The following ATP1B3 variants were observed in gnomAD, a reference collection of about 807,000 sequenced individuals.
ATP1B3 encodes ATPase Na+/K+ transporting subunit beta 3, also known as sodium/potassium-transporting ATPase subunit beta-3.
ATP1B3 carries 10 observed loss-of-function variants against 30.2 expected under a neutral mutation model. The observed-to-expected ratio is 0.33, with a 90% CI of 0.20 to 0.56. The LOEUF is 0.56. ATP1B3 is among the 20% of genes least tolerant of loss of function. ATP1B3 has a pLI of 0.90. For synonymous variants in ATP1B3, 113 were observed against 117.0 expected (o/e 0.97, Z 0.22); for missense variants, 238 against 336.7 (o/e 0.71, Z 2.29).
chr3:141,915,320 C>G (rs1934439262), intron 4 of ATP1B3, among the ~76,000 whole-genome samples: 1 of 152,220 alleles, frequency 6.6e-6, no homozygotes, highest in Non-Finnish European at 1.5e-5. Flanking sequence ...TAGGACGCAA[C>G]AATACTTGTC....
intron 1 of ATP1B3, chr3:141,903,150 T>G (rs1361192965): frequency 6.5e-6 from 1 of 153,934 alleles, no homozygotes; most frequent in East Asian, 1.9e-4. Context: ...TTAACTCACT[T>G]TTTAAAACTT....
chr3:141,908,188 A>T (rs1176143213), intron 3 of ATP1B3, among the ~76,000 whole-genome samples: 1 of 149,318 alleles, frequency 6.7e-6, no homozygotes. Flanking sequence ...TTTTAAAGTT[A>T]TGTCTGTGTC....
chr3:141,913,183 G>T (rs1474197649), intron 3 of ATP1B3, among the ~76,000 whole-genome samples: 2 of 150,344 alleles, frequency 1.3e-5, no homozygotes, highest in Admixed American at 1.3e-4. Flanking sequence ...ATACCCTTCT[G>T]CATTCAGCTC....
rs374953122 is a variant in ATP1B3 at position 141,913,747 on chromosome 3, A to G, written c.442A>G (p.Ile148Val). The G allele has an allele frequency of 1.6e-5, 26 of 1,613,850 alleles. No individual in the cohort carries two copies. In the South Asian group the frequency reaches 2.2e-4, roughly 14 times the overall value. Reference protein sequence around the residue: ...GPVYVACQFPISLLQACSGMN... With the variant: ...GPVYVACQFPVSLLQACSGMN... ...AGTTTATGTTGCATGTCAGTTTCCT[A>G]TTTCATTACTTCAAGCATGCAGTGG... The change falls in exon 4 of 7, where the codon ATT becomes GTT. Residue 148 changes from isoleucine to valine, a missense_variant. Physicochemically the swap from Ile to Val is conservative, Grantham distance 29. Coordinates refer to ENST00000286371, the MANE Select transcript of ATP1B3 (RefSeq NM_001679.4).
At chr3:141,886,303 C>T (rs1328429134) in intron 1 of ATP1B3, among the ~76,000 whole-genome samples, 3 of 152,146 alleles carry the variant, frequency 2.0e-5, no homozygotes, top group Non-Finnish European at 2.9e-5. Context: ...GTTCCTTCCC[C>T]AATCTCTTCG....
At chr3:141,884,846 G>T (rs901600340) in intron 1 of ATP1B3, among the ~76,000 whole-genome samples, 2 of 152,246 alleles carry the variant, frequency 1.3e-5, no homozygotes, top group South Asian at 2.1e-4. Flanking sequence ...TATCTCAGGT[G>T]CTGTCTTTGG....
At chr3:141,896,557 A>G (rs1934070016) in intron 1 of ATP1B3, among the ~76,000 whole-genome samples, 1 of 152,064 alleles carries the variant, frequency 6.6e-6, no homozygotes, top group East Asian at 1.9e-4. Context: ...TTTGTTGTAA[A>G]AGTTCTTCAT....
chr3:141,904,702 T>C (rs1480904871), intron 2 of ATP1B3, among the ~76,000 whole-genome samples: 1 of 122,882 alleles, frequency 8.1e-6, no homozygotes, highest in Non-Finnish European at 1.7e-5. Flanking sequence ...TTTTAAACAG[T>C]CTTTTTTTTT....
Position 141,893,538 on chromosome 3 carries a change from A to G in ATP1B3, c.110-10082A>G, listed in dbSNP as rs142564879. 2.6e-3 allele frequency among the ~76,000 whole-genome samples: 400 copies of G among 152,266 alleles called. 1 individual carries two copies. The highest frequency in any genetic ancestry group is 6.5e-3 in the Admixed American group (99 of 15,284). ...TCCTTCTCTGTTAGCCCACTGTCAT[A>G]GAATACCTGACTTGATCTTTAGCTC... On this transcript the variant is annotated intron_variant, in intron 1 of 6. Transcript: ENST00000286371.
chr3:141,907,303 G>A, intron 3 of ATP1B3, 29 bp downstream of exon 3: 2 of 1,567,806 alleles, frequency 1.3e-6, no homozygotes, highest in Non-Finnish European at 1.7e-6. Flanking sequence ...AGTAAGGTCA[G>A]AGATTTTAGT....
At chr3:141,901,081 C>T (rs1486223185) in intron 1 of ATP1B3, among the ~76,000 whole-genome samples, 1 of 152,176 alleles carries the variant, frequency 6.6e-6, no homozygotes, top group Non-Finnish European at 1.5e-5. Context: ...CTGCACCTGG[C>T]CCATGTTAGT....
In ATP1B3 at chr3:141,925,873, G is replaced by GT; in HGVS notation, c.*173dup. 1.3e-6 allele frequency: 1 copy of GT among 774,404 alleles called. No homozygotes were observed. The highest frequency in any genetic ancestry group is 3.3e-5 in the Admixed American group (1 of 30,552). The allele number at this position is 774,404 out of a possible 1,614,324, so 48.0% of individuals were successfully genotyped here. ...ATCATAGTGTTCAGTGTCCTCTGAA[G>GT]TAACTGCCTGTTGCCTCTGCTGCCC... On this transcript the variant is annotated 3_prime_UTR_variant, in exon 7 of 7. Transcript: ENST00000286371.
At chr3:141,879,225 A>G (rs1463156613) in intron 1 of ATP1B3, among the ~76,000 whole-genome samples, 1 of 152,126 alleles carries the variant, frequency 6.6e-6, no homozygotes, top group African/African-American at 2.4e-5. Flanking sequence ...TTTCCATGTT[A>G]CTAAAGATTT....
intron 1 of ATP1B3, among the ~76,000 whole-genome samples, chr3:141,889,750 A>AAAAAATATAT (rs1553743802): frequency 2.5e-5 from 2 of 79,088 alleles, no homozygotes; most frequent in African/African-American, 9.5e-5. Flanking sequence ...AAAAAAAAAA[A>AAAAAATATAT]ATATATACAC....
intron 1 of ATP1B3, 54 bp downstream of exon 1, chr3:141,876,964 G>C: frequency 7.1e-7 from 1 of 1,413,480 alleles, no homozygotes; most frequent in Non-Finnish European, 9.5e-7. Context: ...GGGGGCGCCG[G>C]GCGCGGTCTG....
intron 1 of ATP1B3, among the ~76,000 whole-genome samples, chr3:141,877,831 C>CTT (rs56245712): frequency 0.12 from 17,508 of 140,100 alleles, 1,142 homozygotes; most frequent in Middle Eastern, 0.18. Context: ...CAGGCTAGAG[C>CTT]TTTTTTTTTT....
Position 141,876,780 on chromosome 3 carries a change from T to A in ATP1B3, c.-22T>A. The A allele has an allele frequency of 3.2e-6, 5 of 1,580,440 alleles. No individual in the cohort carries two copies. Among genetic ancestry groups the A allele is most frequent in the Non-Finnish European group, 4.3e-6 (5 of 1,160,394 alleles). ...CCTCCATCCCCGCGGCCGCAGCTCC[T>A]CTCGCCGTCCGCGCGCACACCATGA... On this transcript the variant is annotated 5_prime_UTR_variant, in exon 1 of 7. Transcript: ENST00000286371.
intron 1 of ATP1B3, among the ~76,000 whole-genome samples, chr3:141,885,668 G>A (rs528585470): frequency 6.6e-6 from 1 of 152,076 alleles, no homozygotes; most frequent in South Asian, 2.1e-4. Flanking sequence ...GGCTGATCTC[G>A]AACTCTTGAC....
chr3:141,912,005 A>C (rs919420189), intron 3 of ATP1B3, among the ~76,000 whole-genome samples: 4 of 152,232 alleles, frequency 2.6e-5, no homozygotes, highest in African/African-American at 9.6e-5. Flanking sequence ...GAGTCTATGC[A>C]GTAGAAGCCC....
Sources: allele counts gnomAD v4.1 joint callset (sites outside exome capture counted in the v4.1 genomes callset), GRCh38; gene constraint gnomAD v4.1.1; transcripts MANE v1.5; gene names NCBI Gene and HGNC (gene_info 2026-07-23, HGNC 2026-07-21).